The following PRDM16 variants were observed in gnomAD, a reference collection of about 807,000 sequenced individuals.
PRDM16 encodes histone-lysine N-methyltransferase PRDM16.
Under a neutral mutation model 110.6 loss-of-function variants are expected in PRDM16, and 23 were observed. That is an observed-to-expected ratio of 0.21 (90% CI 0.15 to 0.29). The LOEUF (loss-of-function observed/expected upper bound fraction) is 0.29, where lower values mean the gene tolerates loss of function less well. Ranked by LOEUF, PRDM16 falls within the 10% of genes least tolerant of loss-of-function variation. PRDM16 has a pLI of 1.00. For missense variants in PRDM16, 1,615 were observed against 1,794.3 expected (o/e 0.90, Z 1.81); for synonymous variants, 799 against 781.8 (o/e 1.02, Z -0.37).
intron 3 of PRDM16, among the ~76,000 whole-genome samples, chr1:3,297,344 C>T (rs374210445): frequency 1.3e-4 from 19 of 146,900 alleles, no homozygotes; most frequent in African/African-American, 4.1e-4. Flanking sequence ...AGTGCAATGG[C>T]GCGATCTTGG....
intron 1 of PRDM16, among the ~76,000 whole-genome samples, chr1:3,182,097 A>G (rs2651932): frequency 0.18 from 27,899 of 152,140 alleles, 3,442 homozygotes; most frequent in East Asian, 0.35. Context: ...CCTGCCAGCC[A>G]CCACACGGTG....
intron 3 of PRDM16, among the ~76,000 whole-genome samples, chr1:3,263,701 C>G (rs1362857392): frequency 6.6e-6 from 1 of 152,228 alleles, no homozygotes; most frequent in Non-Finnish European, 1.5e-5. Context: ...GCCCTCACAG[C>G]CCTGACCACA....
chr1:3,118,439 C>T (rs1643018915), intron 1 of PRDM16, among the ~76,000 whole-genome samples: 1 of 152,164 alleles, frequency 6.6e-6, no homozygotes, highest in Non-Finnish European at 1.5e-5. Context: ...CTACCCAGGA[C>T]CTAAGCTGGC....
chr1:3,240,052 GGAGAAGAGGAGAGGA>G (rs1639628781), intron 2 of PRDM16, among the ~76,000 whole-genome samples: 1 of 87,694 alleles, frequency 1.1e-5, no homozygotes, highest in African/African-American at 5.9e-5. Context: ...GGAGAGGAGA[GGAGAAGAGGAGAGGA>G]GAGGAGAGGA....
intron 3 of PRDM16, among the ~76,000 whole-genome samples, chr1:3,351,754 C>CCT (rs1169234177): frequency 7.9e-6 from 1 of 126,912 alleles, no homozygotes; most frequent in South Asian, 3.1e-4. Context: ...CTCTCCCCCC[C>CCT]CTCTGTTTCT....
chr1:3,391,058 G>T (rs1297633651), intron 4 of PRDM16, among the ~76,000 whole-genome samples: 1 of 152,084 alleles, frequency 6.6e-6, no homozygotes, highest in African/African-American at 2.4e-5. Context: ...CTGGTTTCAA[G>T]CTCCTGACCT....
intron 1 of PRDM16, among the ~76,000 whole-genome samples, chr1:3,147,589 A>G (rs541996228): frequency 6.6e-6 from 1 of 152,288 alleles, no homozygotes; most frequent in South Asian, 2.1e-4. Context: ...TTTGTGAAGA[A>G]TGAGACCCCA....
chr1:3,120,153 G>A (rs1487847675), intron 1 of PRDM16, among the ~76,000 whole-genome samples: 4 of 150,598 alleles, frequency 2.7e-5, no homozygotes, highest in Non-Finnish European at 5.9e-5. Context: ...CCTCACCGTC[G>A]GCAGAGTTAT....
chr1:3,321,651 T>G lies in PRDM16; in HGVS notation c.439-63501T>G, dbSNP rs567313912. On this transcript the variant is annotated intron_variant, in intron 3 of 16. Coordinates refer to ENST00000270722, the MANE Select transcript of PRDM16 (RefSeq NM_022114.4). ...TATGTGTATGTATGTGTGATTGTGA[T>G]GTGCCCAATGTGTGGGTGCACGTGT... Among the ~76,000 whole-genome samples, 574 of 151,118 alleles carry G rather than the reference T, an allele frequency of 3.8e-3. 3 individuals carry two copies. Among genetic ancestry groups the G allele is most frequent in the African/African-American group, 0.013 (538 of 41,104 alleles).
intron 1 of PRDM16, among the ~76,000 whole-genome samples, chr1:3,098,062 G>A (rs1374884384): frequency 6.6e-6 from 1 of 152,126 alleles, no homozygotes; most frequent in African/African-American, 2.4e-5. Flanking sequence ...TCCTTTGCCC[G>A]CCCTTGTGCG....
rs898327760 is a variant in PRDM16 at position 3,244,195 on chromosome 1, G to A, written c.438+58G>A. ...CCCAGCGTCCTCGGAGCTCCTGGCGGGGCGACCGCCATCCCAGCTGTCCCT... is the reference window on the plus strand; with the variant it reads ...CCCAGCGTCCTCGGAGCTCCTGGCGAGGCGACCGCCATCCCAGCTGTCCCT... On this transcript the variant is annotated intron_variant, in intron 3 of 16. Coordinates refer to ENST00000270722, the MANE Select transcript of PRDM16 (RefSeq NM_022114.4). The surrounding 1 kb of genome is among the most constrained non-coding windows in gnomAD (Gnocchi z 4.1). 2.0e-6 allele frequency: 3 copies of A among 1,520,218 alleles called. No homozygotes were observed. The highest frequency in any genetic ancestry group is 2.7e-6 in the Non-Finnish European group (3 of 1,097,484). The allele number at this position is 1,520,218 out of a possible 1,614,324, so 94.2% of individuals were successfully genotyped here.
At chr1:3,086,227 A>G (rs1288500739) in intron 1 of PRDM16, among the ~76,000 whole-genome samples, 1 of 152,094 alleles carries the variant, frequency 6.6e-6, no homozygotes, top group African/African-American at 2.4e-5. Context: ...CTTAAAAACC[A>G]TAAGGTGCTT....
chr1:3,328,459 C>A (rs559756587), intron 3 of PRDM16, among the ~76,000 whole-genome samples: 1 of 152,222 alleles, frequency 6.6e-6, no homozygotes. Context: ...ATGCGCGGAG[C>A]TTTCGTCACT....
intron 16 of PRDM16, among the ~76,000 whole-genome samples, 199 bp from the exon 17 acceptor site, chr1:3,433,478 A>ACGCGC (rs1229536190): frequency 1.6e-4 from 24 of 150,696 alleles, no homozygotes; most frequent in African/African-American, 5.6e-4. Flanking sequence ...TGCCCTGCCC[A>ACGCGC]TCTGCTGCCT....
chr1:3,094,239 G>A (rs551398128), intron 1 of PRDM16, among the ~76,000 whole-genome samples: 120 of 152,332 alleles, frequency 7.9e-4, no homozygotes, highest in African/African-American at 2.5e-3. Flanking sequence ...GCACGGGGGC[G>A]CACAGGCAGC....
intron 1 of PRDM16, among the ~76,000 whole-genome samples, chr1:3,091,806 G>C (rs946641208): frequency 2.6e-5 from 4 of 152,228 alleles, no homozygotes; most frequent in Admixed American, 1.3e-4. Context: ...GCTGATGGAG[G>C]GGCCCCCACT....
At chr1:3,181,218 G>GCGGTCTTACACA (rs1644165809) in intron 1 of PRDM16, among the ~76,000 whole-genome samples, 2 of 50,332 alleles carry the variant, frequency 4.0e-5, no homozygotes, top group Non-Finnish European at 9.4e-5. Context: ...TCTTACACAC[G>GCGGTCTTACACA]CAGTCTTACA....
At chr1:3,356,541 G>T (rs1642606600) in intron 3 of PRDM16, among the ~76,000 whole-genome samples, 1 of 152,212 alleles carries the variant, frequency 6.6e-6, no homozygotes, top group Non-Finnish European at 1.5e-5. Flanking sequence ...CCTTGCCTGG[G>T]TGCAGAGTAT....
chr1:3,094,976 G>A (rs183684072), intron 1 of PRDM16, among the ~76,000 whole-genome samples: 42 of 152,362 alleles, frequency 2.8e-4, no homozygotes, highest in African/African-American at 9.9e-4. Context: ...CTGCATGGGG[G>A]AATTGCCCGT....
Sources: gnomAD v4.1 joint callset for allele counts (sites outside exome capture counted in the v4.1 genomes callset) on GRCh38, gnomAD v4.1.1 for gene constraint, Gnocchi (gnomAD v3.1) non-coding constraint, MANE v1.5 for transcripts, NCBI Gene and HGNC (gene_info 2026-07-23, HGNC 2026-07-21) for gene names.